Variants in TMPRSS15 observed in about 807,000 individuals in gnomAD.
The protein encoded by TMPRSS15 is transmembrane serine protease 15.
TMPRSS15 carries 128 observed loss-of-function variants against 125.3 expected under a neutral mutation model. That is an observed-to-expected ratio of 1.02 (90% CI 0.89 to 1.18). The LOEUF (loss-of-function observed/expected upper bound fraction) is 1.18. Among genes scored for constraint, TMPRSS15 ranks in the 50% most tolerant of loss-of-function variants. The probability of loss-of-function intolerance (pLI) is 0.00; values close to 1 mark genes in which losing one functional copy is unlikely to be tolerated. For synonymous variants in TMPRSS15, 446 were observed against 423.2 expected, an observed-to-expected ratio of 1.05 and a Z score of -0.66; for missense variants, 1,283 against 1,212.7, an observed-to-expected ratio of 1.06 and a Z score of -0.86.
chr21:18,341,624 A>C, intron 12 of TMPRSS15, 76 bp from the exon 13 acceptor site: 1 of 1,473,708 alleles, frequency 6.8e-7, no homozygotes, highest in Non-Finnish European at 9.5e-7. Flanking sequence ...TTGTGAGCCC[A>C]AGAGATTCAA....
intron 6 of TMPRSS15, among the ~76,000 whole-genome samples, chr21:18,367,496 C>CA (rs1033134458): frequency 6.6e-6 from 1 of 151,410 alleles, no homozygotes; most frequent in Non-Finnish European, 1.5e-5. Context: ...ACCATAAAAA[C>CA]AAAAATGGCA....
At chr21:18,477,312 G>A (rs544817781) in intron 1 of TMPRSS15, 1 of 152,222 alleles carries the variant, frequency 6.6e-6, no homozygotes, top group East Asian at 1.9e-4. Context: ...ATATGAATTG[G>A]AGTAAGGTCT....
intron 20 of TMPRSS15, 68 bp downstream of exon 20, chr21:18,294,535 G>T: frequency 6.3e-7 from 1 of 1,597,980 alleles, no homozygotes; most frequent in Non-Finnish European, 8.6e-7. Flanking sequence ...AACTTCAGGT[G>T]ACATAAAACT....
At chr21:18,280,575 CAAAAA>C (rs1230513414) in intron 22 of TMPRSS15, among the ~76,000 whole-genome samples, 1 of 48,372 alleles carries the variant, frequency 2.1e-5, no homozygotes, top group African/African-American at 9.4e-5. Context: ...GACTCCGTCT[CAAAAA>C]AAAAAAAAAA....
In TMPRSS15 at chr21:18,427,587, C is replaced by A. The variant is rs188642367; in HGVS notation, c.11-29258G>T. ...TTACTACTTCACCATCTGAAATAGA[C>A]CTGCTCAGGACCGACCTACTTCCAC... On this transcript the variant is annotated intron_variant, in intron 1 of 7. Transcript: ENST00000422787. 3.6e-3 allele frequency among the ~76,000 whole-genome samples: 551 copies of A among 152,276 alleles called. 2 individuals are homozygous for A. Among genetic ancestry groups the A allele is most frequent in the Non-Finnish European group, 6.1e-3 (412 of 68,008 alleles).
chr21:18,271,886 T>C (rs1474776507), intron 24 of TMPRSS15, among the ~76,000 whole-genome samples: 1 of 152,168 alleles, frequency 6.6e-6, no homozygotes, highest in Non-Finnish European at 1.5e-5. Context: ...GCTTCATCCA[T>C]GTCCCTGCAA....
intron 1 of TMPRSS15, among the ~76,000 whole-genome samples, chr21:18,438,553 A>T (rs921541760): frequency 6.6e-6 from 1 of 152,206 alleles, no homozygotes; most frequent in African/African-American, 2.4e-5. Flanking sequence ...ATTAAAAGAC[A>T]TCTTTTTTAA....
At chr21:18,286,700 C>T (rs2074768886) in intron 21 of TMPRSS15, among the ~76,000 whole-genome samples, 1 of 152,230 alleles carries the variant, frequency 6.6e-6, no homozygotes, top group Non-Finnish European at 1.5e-5. Flanking sequence ...TCCCAGCAGT[C>T]CCATCTTCAC....
intron 18 of TMPRSS15, among the ~76,000 whole-genome samples, chr21:18,303,365 G>A (rs1259017943): frequency 3.3e-5 from 5 of 151,912 alleles, no homozygotes; most frequent in Non-Finnish European, 5.9e-5. Flanking sequence ...AAGAAAATGA[G>A]GAAAGGAGAA....
intron 14 of TMPRSS15, among the ~76,000 whole-genome samples, chr21:18,329,837 C>A (rs1050728922): frequency 1.3e-5 from 2 of 151,276 alleles, no homozygotes; most frequent in Non-Finnish European, 1.5e-5. Context: ...AATAATTCAA[C>A]CTTCAGATTT....
At chr21:18,404,183 T>A (rs1326683030), upstream of TMPRSS15, among the ~76,000 whole-genome samples, 1 of 152,236 alleles carries the variant, frequency 6.6e-6, no homozygotes, top group Non-Finnish European at 1.5e-5. Flanking sequence ...TACATATACA[T>A]ATACATGTAT....
intron 8 of TMPRSS15, among the ~76,000 whole-genome samples, chr21:18,357,837 G>A (rs1305922263): frequency 6.6e-6 from 1 of 151,700 alleles, no homozygotes; most frequent in African/African-American, 2.4e-5. Context: ...CTTTGTGCTA[G>A]ATGCCAGTTG....
chr21:18,357,870 G>GA (rs978157064), intron 8 of TMPRSS15, among the ~76,000 whole-genome samples: 5 of 151,508 alleles, frequency 3.3e-5, no homozygotes, highest in African/African-American at 4.8e-5. Context: ...AGTTTTCTTA[G>GA]AAAAAATTAG....
intron 16 of TMPRSS15, among the ~76,000 whole-genome samples, chr21:18,326,077 T>C (rs2075286515): frequency 6.6e-6 from 1 of 152,124 alleles, no homozygotes; most frequent in South Asian, 2.1e-4. Flanking sequence ...CCTTCTTTGC[T>C]CTCTGAAAAT....
intron 1 of TMPRSS15, among the ~76,000 whole-genome samples, chr21:18,446,905 A>C (rs991719564): frequency 1.2e-4 from 4 of 32,874 alleles, no homozygotes; most frequent in African/African-American, 3.6e-4. Context: ...TATAACCCCA[A>C]AAAACATAGG....
chr21:18,438,676 G>T (rs1338932499), intron 1 of TMPRSS15, among the ~76,000 whole-genome samples: 1 of 152,090 alleles, frequency 6.6e-6, no homozygotes, highest in African/African-American at 2.4e-5. Context: ...AGCACCATAA[G>T]CTATACCTGG....
chr21:18,337,788 C>T (rs2075406551), intron 13 of TMPRSS15, among the ~76,000 whole-genome samples: 1 of 152,106 alleles, frequency 6.6e-6, no homozygotes, highest in African/African-American at 2.4e-5. Context: ...TTTATTACTG[C>T]TTAAACAAGT....
intron 3 of TMPRSS15, among the ~76,000 whole-genome samples, chr21:18,386,478 G>GA (rs532250560): frequency 6.6e-6 from 1 of 151,978 alleles, no homozygotes; most frequent in Non-Finnish European, 1.5e-5. Flanking sequence ...ACAAATAGAT[G>GA]AAAAAAACAG....
At chr21:18,351,373 T>G (rs967630333) in intron 10 of TMPRSS15, among the ~76,000 whole-genome samples, 1 of 152,162 alleles carries the variant, frequency 6.6e-6, no homozygotes, top group Non-Finnish European at 1.5e-5. Context: ...CCTGATATGG[T>G]TTGGCTCTGT....
Sources: allele counts gnomAD v4.1 joint callset (sites outside exome capture counted in the v4.1 genomes callset), GRCh38; gene constraint gnomAD v4.1.1; transcripts MANE v1.5; gene names NCBI Gene and HGNC (gene_info 2026-07-23, HGNC 2026-07-21).